Variants in BCL9L observed in about 807,000 individuals in gnomAD.
BCL9L encodes BCL9 like.
BCL9L carries 19 observed loss-of-function variants against 99.4 expected under a neutral mutation model. That is an observed-to-expected ratio of 0.19 (90% CI 0.13 to 0.28). The LOEUF (loss-of-function observed/expected upper bound fraction) is 0.28, where lower values mean the gene tolerates loss of function less well. BCL9L is among the 10% of genes least tolerant of loss of function. The pLI is 1.00. For missense variants in BCL9L, 2,023 were observed against 2,101.6 expected, an observed-to-expected ratio of 0.96 and a Z score of 0.73; for synonymous variants, 900 against 854.8, an observed-to-expected ratio of 1.05 and a Z score of -0.92.
Position 118,903,166 on chromosome 11 carries a change from C to T in BCL9L, c.749+70G>A. ...CCACCCTGCCCCTGCACGGGGCTCC[C>T]TCGGAACCCCAGGCTGAGAGGTGCT... On this transcript the variant is annotated intron_variant, in intron 6 of 9. Coordinates refer to ENST00000683865, the MANE Select transcript of BCL9L (RefSeq NM_001378213.1). The surrounding 1 kb of genome is among the most constrained non-coding windows in gnomAD (Gnocchi z 5.6). The T allele has an allele frequency of 6.4e-7, 1 of 1,559,088 alleles. No homozygotes were observed. The highest frequency in any genetic ancestry group is 1.2e-5 in the South Asian group (1 of 85,320).
At chr11:118,911,495 C>T (rs1591995105) in intron 2 of BCL9L, among the ~76,000 whole-genome samples, 1 of 152,252 alleles carries the variant, frequency 6.6e-6, no homozygotes, top group East Asian at 1.9e-4. Flanking sequence ...TGGGAAGCAG[C>T]CCGCCACCCC....
Position 118,898,262 on chromosome 11 carries a change from T to A in BCL9L, c.*153A>T. 3.8e-6 allele frequency: 4 copies of A among 1,042,368 alleles called. No individual in the cohort carries two copies. Among genetic ancestry groups the A allele is most frequent in the Non-Finnish European group, 5.4e-6 (4 of 746,480 alleles). 64.6% of individuals were successfully genotyped at this position (1,042,368 alleles called of 1,614,324 possible). On this transcript the variant is annotated 3_prime_UTR_variant, in exon 10 of 10. Coordinates refer to ENST00000683865, the MANE Select transcript of BCL9L (RefSeq NM_001378213.1). ...CACTTCCCCCTAAGCTGCCAGCACATCTGGTTTCCACAAATGCCACTCCCT... is the reference window on the plus strand; with the variant it reads ...CACTTCCCCCTAAGCTGCCAGCACAACTGGTTTCCACAAATGCCACTCCCT...
Position 118,902,281 on chromosome 11 carries a change from C to T in BCL9L, c.1462G>A (p.Val488Met). 6.3e-7 allele frequency: 1 copy of T among 1,589,934 alleles called. No individual in the cohort carries two copies. Among genetic ancestry groups the T allele is most frequent in the South Asian group, 1.1e-5 (1 of 87,284 alleles). Residue 488 changes from valine to methionine, a missense_variant, in exon 8 of 10, where the codon GTG becomes ATG. Around this residue, in one of 3 missense-constraint regions of BCL9L, gnomAD observed 1,116 missense variants for 1,194.6 expected, o/e 0.93. Coordinates refer to ENST00000683865, the MANE Select transcript of BCL9L (RefSeq NM_001378213.1). The surrounding 1 kb of genome is among the most constrained non-coding windows in gnomAD (Gnocchi z 7.8). ...TCCCCACCCGGGGGGTGCCCAGGCA[C>T]TTCATGCTCCAGCGGGGGGCCCCCT... is the stretch of plus-strand genomic sequence containing the variant. ...SLGGPPLEHE[V>M]PGHPPGGDMG...
At chr11:118,912,330 C>G (rs1400785052) in intron 2 of BCL9L, among the ~76,000 whole-genome samples, 1 of 152,148 alleles carries the variant, frequency 6.6e-6, no homozygotes, top group East Asian at 1.9e-4. Context: ...CGTCACCGTG[C>G]CTCCCTCTTA....
At chr11:118,913,294 G>A (rs1940863870) in intron 2 of BCL9L, among the ~76,000 whole-genome samples, 1 of 152,054 alleles carries the variant, frequency 6.6e-6, no homozygotes, top group African/African-American at 2.4e-5. Flanking sequence ...ACAGGACCAG[G>A]GAAACTCCTG....
Position 118,902,039 on chromosome 11 carries a change from A to T in BCL9L, c.1704T>A (p.Pro568=). 6.2e-7 allele frequency: 1 copy of T among 1,613,994 alleles called. No individual in the cohort carries two copies. Among genetic ancestry groups the T allele is most frequent in the Non-Finnish European group, 8.5e-7 (1 of 1,179,986 alleles). The change falls in exon 8 of 10, where the codon CCT becomes CCA. Residue 568 remains proline (P), a synonymous_variant. Transcript: ENST00000683865. The surrounding 1 kb of genome is among the most constrained non-coding windows in gnomAD (Gnocchi z 7.8). ...RGPPPPYHSK[P]GDQWPPGMGA... is the part of the protein sequence containing the mutation. ...CCATTCCAGGTGGCCACTGATCCCCAGGCTTGCTGTGGTAAGGAGGCGGGG... is the reference window on the plus strand; with the variant it reads ...CCATTCCAGGTGGCCACTGATCCCCTGGCTTGCTGTGGTAAGGAGGCGGGG...
At chr11:118,917,589 A>G (rs1941002259) in intron 2 of BCL9L, among the ~76,000 whole-genome samples, 1 of 152,164 alleles carries the variant, frequency 6.6e-6, no homozygotes, top group South Asian at 2.1e-4. Context: ...AACGATGACG[A>G]AAGAAAGCAT....
Position 118,907,581 on chromosome 11 carries a change from C to CGCT in BCL9L, c.431_433dup (p.Lys144_Arg145insGln). ...CTGCTTCCGCTCCAGCACACAGCGC[C>CGCT]GCTTACTCCGCGGCGCCACCTCTGC... On this transcript the variant is annotated inframe_insertion, in exon 5 of 10. Transcript: ENST00000683865. The CGCT allele has an allele frequency of 1.2e-6, 2 of 1,613,592 alleles. No individual in the cohort carries two copies. Among genetic ancestry groups the CGCT allele is most frequent in the Non-Finnish European group, 1.7e-6 (2 of 1,180,020 alleles).
chr11:118,915,633 A>G lies in BCL9L; in HGVS notation c.-77+3193T>C, dbSNP rs990788768. Among the ~76,000 whole-genome samples, 6 of 152,172 alleles carry G rather than the reference A, an allele frequency of 3.9e-5. No individual in the cohort carries two copies. In the South Asian group the frequency reaches 1.0e-3, roughly 26 times the overall value. On this transcript the variant is annotated intron_variant, in intron 2 of 9. Coordinates refer to ENST00000683865, the MANE Select transcript of BCL9L (RefSeq NM_001378213.1). ...CTCTTAGCCTCAGGACCATGTCTCA[A>G]AAGTCCAGGAGGCAAGTGAAGGGGG...
At position 118,897,022 on chromosome 11, in the gene BCL9L, G is replaced by A. The variant is rs1939946390; in HGVS notation, c.*1393C>T. The A allele has an allele frequency of 6.5e-6, 1 of 153,008 alleles. No homozygotes were observed. The highest frequency in any genetic ancestry group is 6.5e-5 in the Admixed American group (1 of 15,296). The allele number at this position is 153,008 out of a possible 1,614,324, so 9.5% of individuals were successfully genotyped here. A position where few individuals can be genotyped will look rare whatever the true frequency, so the allele number is the denominator to read the frequency against. ...GGGAGGCAGTGGCTGTGCCTGGGTG[G>A]GCACAGACAGATCTGGTACATGGCC... On this transcript the variant is annotated 3_prime_UTR_variant, in exon 10 of 10. Coordinates refer to ENST00000683865, the MANE Select transcript of BCL9L (RefSeq NM_001378213.1).
rs1280901883 is a variant in BCL9L at position 118,897,445 on chromosome 11, G to A, written c.*970C>T. The A allele has an allele frequency of 9.7e-6, 2 of 207,234 alleles. No homozygotes were observed. Among genetic ancestry groups the A allele is most frequent in the Admixed American group, 1.1e-4 (2 of 18,558 alleles). The allele number at this position is 207,234 out of a possible 1,614,324, so 12.8% of individuals were successfully genotyped here. A position where few individuals can be genotyped will look rare whatever the true frequency, so the allele number is the denominator to read the frequency against. ...CCAAAGTGGAAAGCCAGGGCCCCGT[G>A]TCACCGGTGTGGGCAAACACACATG... On this transcript the variant is annotated 3_prime_UTR_variant, in exon 10 of 10. Transcript: ENST00000683865.
rs139062309 is a variant in BCL9L at position 118,903,333 on chromosome 11, G to C, written c.652C>G (p.Arg218Gly). The stretch of plus-strand genomic sequence containing the variant: ...CCCCCGCCCCCAGGGGCATCAGGCC[G>C]AAGGCCAGGAGGAGGGCCGTGCGGG... ...GAPHGPPPGL[R>G]PDAPGGGGGG... The change falls in exon 6 of 10, where the codon CGG becomes GGG. Residue 218 changes from arginine (R) to glycine (G), a missense_variant. Physicochemically the swap from Arg to Gly is moderately radical, Grantham distance 125 (BLOSUM62 -2). Transcript: ENST00000683865. The surrounding 1 kb of genome is among the most constrained non-coding windows in gnomAD (Gnocchi z 5.6). The C allele has an allele frequency of 4.4e-6, 7 of 1,590,788 alleles. No individual in the cohort carries two copies. The South Asian group carries it at 5.7e-5, about 13-fold the overall frequency.
rs151022207 is a variant in BCL9L, at chr11:118,898,478, C to G, written c.4437G>C (p.Val1479=). 8.1e-6 allele frequency: 13 copies of G among 1,604,830 alleles called. No homozygotes were observed. The Admixed American group carries it at 8.4e-5, about 10-fold the overall frequency. ...MVSHPLRQRS[V]SLDSQMGYLP... is the part of the protein sequence containing the mutation. ...GGTAGCCCATCTGGCTGTCCAGGGA[C>G]ACACTGCGCTGCCGAAGGGGGTGGG... Residue 1479 remains valine (V), a synonymous_variant, in exon 10 of 10, where the codon GTG becomes GTC. Transcript: ENST00000683865.
rs973016441 is a variant in BCL9L at position 118,911,760 on chromosome 11, A to C, written c.-76-1745T>G. ...TCATTCCAGACACTGCAGTGACCCC[A>C]CCTCCCCACGCCAGCCATGACTGCT... On this transcript the variant is annotated intron_variant, in intron 2 of 9. Transcript: ENST00000683865. Among the ~76,000 whole-genome samples, 67 of 151,816 alleles carry C rather than the reference A, an allele frequency of 4.4e-4. No homozygotes were observed. In the South Asian group the frequency reaches 0.014, roughly 31 times the overall value.
In BCL9L at chr11:118,902,574, T is replaced by C. The variant is rs776762596; in HGVS notation, c.1169A>G (p.Gln390Arg). 2 of 1,601,060 alleles carry C rather than the reference T, an allele frequency of 1.2e-6. No individual in the cohort carries two copies. Among genetic ancestry groups the C allele is most frequent in the South Asian group, 1.1e-5 (1 of 91,082 alleles). Residue 390 changes from glutamine to arginine, a missense_variant, in exon 8 of 10, where the codon CAG (glutamine) becomes CGG (arginine). By Grantham distance (43) the Gln-to-Arg change is conservative. Coordinates refer to ENST00000683865, the MANE Select transcript of BCL9L (RefSeq NM_001378213.1). This position sits in a 1 kb window ranked among gnomAD's most constrained non-coding sequence, Gnocchi z 7.8. ...LGEAAAPGNG[Q>R]RSLVGSEGLS... ...GCCCTCTGAGCCCACCAGGCTGCGC[T>C]GCCCATTTCCAGGGGCGGCTGCCTC...
rs1591985458 is a variant in BCL9L, at chr11:118,905,206, C to A, written c.533-1754G>T. On this transcript the variant is annotated intron_variant, in intron 5 of 9. Transcript: ENST00000683865. ...CGTTCTATCGCCCCTCCAGTAAGAA[C>A]TCTTCAAGAATCTAAGGGCAGGCCG... Among the ~76,000 whole-genome samples, 3 of 152,276 alleles carry A rather than the reference C, an allele frequency of 2.0e-5. No individual in the cohort carries two copies. The Middle Eastern group carries it at 0.01, about 518-fold the overall frequency.
intron 2 of BCL9L, chr11:118,910,910 C>T: frequency 4.7e-6 from 1 of 214,924 alleles, no homozygotes; most frequent in South Asian, 4.8e-5. Context: ...GCACGGAGCC[C>T]AGGAAGCTAG....
At position 118,903,311 on chromosome 11, in the gene BCL9L, C is replaced by T. The variant is rs1310913018; in HGVS notation, c.674G>A (p.Gly225Glu). Residue 225 changes from glycine to glutamate, a missense_variant, in exon 6 of 10, where the codon GGG becomes GAG. Physicochemically the swap from Gly to Glu is moderately conservative, Grantham distance 98. Transcript: ENST00000683865. This position sits in a 1 kb window ranked among gnomAD's most constrained non-coding sequence, Gnocchi z 5.6. Reference sequence around the variant, plus strand: ...TCCGGGGACGCCCCCGCCCCCGCCCCCGCCCCCAGGGGCATCAGGCCGAAG... The same window carrying T: ...TCCGGGGACGCCCCCGCCCCCGCCCTCGCCCCCAGGGGCATCAGGCCGAAG... ...PGLRPDAPGG[G>E]GGGGGVPGKP... 6.3e-7 allele frequency: 1 copy of T among 1,578,476 alleles called. No homozygotes were observed. The highest frequency in any genetic ancestry group is 8.6e-7 in the Non-Finnish European group (1 of 1,163,296).
intron 5 of BCL9L, among the ~76,000 whole-genome samples, chr11:118,906,524 T>C (rs1031117057): frequency 2.0e-5 from 3 of 152,222 alleles, no homozygotes; most frequent in Non-Finnish European, 4.4e-5. Flanking sequence ...ATGATAACAC[T>C]GACCTCACAG....
Sources: allele counts gnomAD v4.1 joint callset (sites outside exome capture counted in the v4.1 genomes callset), GRCh38; gene constraint gnomAD v4.1.1; regional missense constraint gnomAD v4.1.1; non-coding constraint Gnocchi (gnomAD v3.1); transcripts MANE v1.5; gene names NCBI Gene and HGNC (gene_info 2026-07-23, HGNC 2026-07-21).